Variants in FAM216B observed in about 807,000 individuals in gnomAD.
FAM216B encodes the protein family with sequence similarity 216 member B, also known as protein FAM216B.
FAM216B carries 11 observed loss-of-function variants against 12.9 expected under a neutral mutation model. That is an observed-to-expected ratio of 0.86 (90% CI 0.54 to 1.42). FAM216B has a LOEUF of 1.42. FAM216B is among the 40% of genes most tolerant of loss of function. The pLI is 0.00. For missense variants in FAM216B, 167 were observed against 162.9 expected, an observed-to-expected ratio of 1.02 and a Z score of -0.14; for synonymous variants, 52 against 57.2, an observed-to-expected ratio of 0.91 and a Z score of 0.41.
intron 3 of FAM216B, 129 bp from the exon 4 acceptor site, chr13:42,788,462 A>G (rs1229322165): frequency 3.1e-6 from 2 of 645,144 alleles, no homozygotes; most frequent in Admixed American, 2.7e-5. Flanking sequence ...CAAAGATCAT[A>G]TAATCTGGGC....
In FAM216B at chr13:42,784,044, T is replaced by C; in HGVS notation, c.-14-10T>C. On this transcript the variant is annotated splice_polypyrimidine_tract_variant and intron_variant, in intron 1 of 3. Transcript: ENST00000313851. ...AGAAATTTTATGCTATGCTTTGTTG[T>C]TTCTTGGAGGTATAGGATAAACGAT... 1 of 1,556,954 alleles carries C rather than the reference T, an allele frequency of 6.4e-7. No homozygotes were observed. Among genetic ancestry groups the C allele is most frequent in the Non-Finnish European group, 8.7e-7 (1 of 1,152,232 alleles).
At chr13:42,782,503 TTAATAA>T (rs1243664205) in intron 1 of FAM216B, among the ~76,000 whole-genome samples, 1 of 152,216 alleles carries the variant, frequency 6.6e-6, no homozygotes, top group East Asian at 1.9e-4. Flanking sequence ...CGTGCAGGTA[TTAATAA>T]TAATCTACGT....
intron 1 of FAM216B, among the ~76,000 whole-genome samples, chr13:42,783,263 G>C (rs117259528): frequency 1.3e-5 from 2 of 152,146 alleles, no homozygotes; most frequent in Admixed American, 6.5e-5. Context: ...AGCTATAGTC[G>C]CACCACTGTG....
chr13:42,786,491 G>A (rs1874091345), intron 2 of FAM216B, among the ~76,000 whole-genome samples: 1 of 152,084 alleles, frequency 6.6e-6, no homozygotes, highest in Admixed American at 6.5e-5. Context: ...TAAGATCCTG[G>A]AAATCCTTAG....
At chr13:42,783,101 G>C (rs576761001) in intron 1 of FAM216B, among the ~76,000 whole-genome samples, 1 of 152,140 alleles carries the variant, frequency 6.6e-6, no homozygotes, top group Admixed American at 6.5e-5. Flanking sequence ...TTGAGCCCAG[G>C]AGTTTGAGAC....
rs1874180241 is a variant in FAM216B at position 42,788,595 on chromosome 13, T to C, written c.225T>C (p.Tyr75=). The C allele has an allele frequency of 6.2e-7, 1 of 1,611,656 alleles. No homozygotes were observed. Among genetic ancestry groups the C allele is most frequent in the Non-Finnish European group, 8.5e-7 (1 of 1,178,926 alleles). ...HSLQHQQLLG[Y]ITQREALSYA... ...TCTCTCATTTCTTTCCCCTAGGCTA[T>C]ATTACTCAACGGGAAGCCTTGTCTT... The change falls in exon 4 of 4, where the codon TAT becomes TAC. Residue 75 remains tyrosine, a synonymous_variant. Coordinates refer to ENST00000313851, the MANE Select transcript of FAM216B (RefSeq NM_001318932.2).
intron 3 of FAM216B, among the ~76,000 whole-genome samples, chr13:42,787,564 C>T (rs936093823): frequency 3.3e-5 from 5 of 152,186 alleles, no homozygotes; most frequent in African/African-American, 1.2e-4. Context: ...CATCAACTTA[C>T]CGAAAGGCTA....
At chr13:42,782,036 T>C (rs1047045587) in intron 1 of FAM216B, among the ~76,000 whole-genome samples, 1 of 152,246 alleles carries the variant, frequency 6.6e-6, no homozygotes, top group Non-Finnish European at 1.5e-5. Flanking sequence ...GTATGGTTTC[T>C]GGAGTGCACA....
chr13:42,785,496 A>G (rs1434297043), intron 2 of FAM216B, among the ~76,000 whole-genome samples: 2 of 152,206 alleles, frequency 1.3e-5, no homozygotes, highest in African/African-American at 2.4e-5. Context: ...TAATTTTTCT[A>G]AAATGTTGAT....
rs1473679600 is a variant in FAM216B, at chr13:42,790,303, T to C, written c.*1513T>C. 1 of 141,548 alleles carries C rather than the reference T, an allele frequency of 7.1e-6. No individual in the cohort carries two copies. Among genetic ancestry groups the C allele is most frequent in the Admixed American group, 7.3e-5 (1 of 13,684 alleles). 8.8% of individuals were successfully genotyped at this position (141,548 alleles called of 1,614,324 possible). On this transcript the variant is annotated 3_prime_UTR_variant, in exon 4 of 4. Coordinates refer to ENST00000313851, the MANE Select transcript of FAM216B (RefSeq NM_001318932.2). ...AATGGGCCTTTTATCCCCTCTGAAC[T>C]GCTTGCCTGCACTTTTATCTTAGAC...
chr13:42,786,946 G>T, intron 3 of FAM216B, 63 bp downstream of exon 3: 2 of 1,593,870 alleles, frequency 1.3e-6, no homozygotes, highest in Non-Finnish European at 1.7e-6. Context: ...GTAGCCAGAA[G>T]TCGTTTCCAG....
rs567644954 is a variant in FAM216B, at chr13:42,791,035, G to T, written c.*2245G>T. The T allele has an allele frequency of 1.3e-5, 2 of 152,138 alleles. No homozygotes were observed. The highest frequency in any genetic ancestry group is 2.9e-5 in the Non-Finnish European group (2 of 68,030). 9.4% of individuals were successfully genotyped at this position (152,138 alleles called of 1,614,324 possible). A position where few individuals can be genotyped will look rare whatever the true frequency, so the allele number is the denominator to read the frequency against. Reference sequence around the variant, plus strand: ...ACAAGTCTATCCCGCAAAGGGCAGGGAATAGAGGGTACACTGGAAAGAATT... The same window carrying T: ...ACAAGTCTATCCCGCAAAGGGCAGGTAATAGAGGGTACACTGGAAAGAATT... On this transcript the variant is annotated 3_prime_UTR_variant, in exon 4 of 4. Transcript: ENST00000313851.
At chr13:42,785,561 G>C (rs1874052885) in intron 2 of FAM216B, among the ~76,000 whole-genome samples, 1 of 152,128 alleles carries the variant, frequency 6.6e-6, no homozygotes, top group African/African-American at 2.4e-5. Context: ...TCATCTCATA[G>C]GACTGTTGAA....
rs1317751387 is a variant in FAM216B, at chr13:42,790,520, C to G, written c.*1730C>G. The G allele has an allele frequency of 6.6e-6, 1 of 152,022 alleles. No individual in the cohort carries two copies. Among genetic ancestry groups the G allele is most frequent in the Non-Finnish European group, 1.5e-5 (1 of 67,992 alleles). 9.4% of individuals were successfully genotyped at this position (152,022 alleles called of 1,614,324 possible). On this transcript the variant is annotated 3_prime_UTR_variant, in exon 4 of 4. Transcript: ENST00000313851. ...AGGTCCATAAGAAGGACAAATAGAT[C>G]TAAGTTGGGCAAAAGATTCTATTTG...
At chr13:42,786,252 A>G (rs1472137025) in intron 2 of FAM216B, among the ~76,000 whole-genome samples, 1 of 152,192 alleles carries the variant, frequency 6.6e-6, no homozygotes, top group East Asian at 1.9e-4. Context: ...AGATAAGATG[A>G]TCATCTCATT....
At position 42,790,714 on chromosome 13, in the gene FAM216B, A is replaced by G. The variant is rs1027107678; in HGVS notation, c.*1924A>G. On this transcript the variant is annotated 3_prime_UTR_variant, in exon 4 of 4. Coordinates refer to ENST00000313851, the MANE Select transcript of FAM216B (RefSeq NM_001318932.2). ...GAGGACAACCTGTAACTTTTAGAAA[A>G]GGCTACTACTTTTAACTGTTGGAGA... The G allele has an allele frequency of 1.3e-5, 2 of 152,178 alleles. No homozygotes were observed. Among genetic ancestry groups the G allele is most frequent in the African/African-American group, 4.8e-5 (2 of 41,444 alleles). The allele number at this position is 152,178 out of a possible 1,614,324, so 9.4% of individuals were successfully genotyped here. A position where few individuals can be genotyped will look rare whatever the true frequency, so the allele number is the denominator to read the frequency against.
chr13:42,787,797 G>A (rs1874147910), intron 3 of FAM216B, among the ~76,000 whole-genome samples: 1 of 152,154 alleles, frequency 6.6e-6, no homozygotes, highest in East Asian at 1.9e-4. Flanking sequence ...CTTTTATTGA[G>A]GACTTCCTGT....
rs575081020 is a variant in FAM216B at position 42,783,938 on chromosome 13, T to C, written c.-14-116T>C. 1.5e-5 allele frequency: 9 copies of C among 590,706 alleles called. No homozygotes were observed. The African/African-American group carries it at 1.7e-4, about 11-fold the overall frequency. 36.6% of individuals were successfully genotyped at this position (590,706 alleles called of 1,614,324 possible). ...AATGTGAGCAAATGTTCTTATCCCTTAGAACAAATTACATTTTTAAAAATT... is the reference window on the plus strand; with the variant it reads ...AATGTGAGCAAATGTTCTTATCCCTCAGAACAAATTACATTTTTAAAAATT... On this transcript the variant is annotated intron_variant, in intron 1 of 3. Coordinates refer to ENST00000313851, the MANE Select transcript of FAM216B (RefSeq NM_001318932.2).
chr13:42,788,213 G>A (rs1367435173), intron 3 of FAM216B, among the ~76,000 whole-genome samples: 1 of 152,124 alleles, frequency 6.6e-6, no homozygotes, highest in African/African-American at 2.4e-5. Context: ...TTTTAATAAG[G>A]ATTTTGAAAA....
Sources: allele counts gnomAD v4.1 joint callset (sites outside exome capture counted in the v4.1 genomes callset), GRCh38; gene constraint gnomAD v4.1.1; transcripts MANE v1.5; gene names NCBI Gene and HGNC (gene_info 2026-07-23, HGNC 2026-07-21).